LDLRAD4: variants seen among roughly 807,000 people sequenced by gnomAD.
LDLRAD4 encodes low-density lipoprotein receptor class A domain-containing protein 4.
Under a neutral mutation model 17.0 loss-of-function variants are expected in LDLRAD4, and 5 were observed. That is an observed-to-expected ratio of 0.29 (90% CI 0.15 to 0.62). The LOEUF is 0.62. Among genes scored for constraint, LDLRAD4 ranks in the 20% least tolerant of loss-of-function variants. The pLI, the probability that LDLRAD4 is intolerant of heterozygous loss-of-function variation, is 0.84. For synonymous variants in LDLRAD4, 168 were observed against 171.8 expected (o/e 0.98, Z 0.17); for missense variants, 340 against 424.7 (o/e 0.80, Z 1.75).
intron 3 of LDLRAD4, among the ~76,000 whole-genome samples, chr18:13,606,643 A>T (rs2148672088): frequency 6.6e-6 from 1 of 152,230 alleles, no homozygotes; most frequent in East Asian, 1.9e-4. Context: ...ATGTCCACAA[A>T]TATCAAACTA....
chr18:13,291,948 T>C (rs1318570614), intron 1 of LDLRAD4, among the ~76,000 whole-genome samples: 1 of 152,138 alleles, frequency 6.6e-6, no homozygotes, highest in African/African-American at 2.4e-5. Flanking sequence ...TTGAGCCAAT[T>C]TGATGAAATT....
intron 4 of LDLRAD4, chr18:13,642,009 C>T (rs779504743): frequency 1.0e-6 from 1 of 985,392 alleles, no homozygotes; most frequent in South Asian, 4.7e-5. Context: ...GCCCCCTTCC[C>T]GCTTCCGCCC....
At chr18:13,529,265 A>G (rs745792969) in intron 3 of LDLRAD4, among the ~76,000 whole-genome samples, 10 of 152,194 alleles carry the variant, frequency 6.6e-5, no homozygotes, top group Admixed American at 2.6e-4. Context: ...GACCTTTCAG[A>G]ACTAGCTACT....
intron 1 of LDLRAD4, among the ~76,000 whole-genome samples, chr18:13,229,766 G>A (rs572880307): frequency 2.6e-5 from 4 of 152,238 alleles, no homozygotes; most frequent in Admixed American, 2.0e-4. Context: ...CACTCAGGAC[G>A]TCCACGCACT....
intron 3 of LDLRAD4, among the ~76,000 whole-genome samples, chr18:13,589,463 T>C (rs765466599): frequency 3.2e-4 from 48 of 152,194 alleles, no homozygotes; most frequent in Non-Finnish European, 6.3e-4. Context: ...AGTTGCTTCT[T>C]ATTTCTTGAC....
chr18:13,238,061 A>G (rs1012769675), intron 1 of LDLRAD4, among the ~76,000 whole-genome samples: 3 of 152,190 alleles, frequency 2.0e-5, no homozygotes, highest in African/African-American at 7.2e-5. Flanking sequence ...GTTCCTAGCC[A>G]TCCTTACCCA....
At chr18:13,629,987 G>A (rs1286508756) in intron 4 of LDLRAD4, among the ~76,000 whole-genome samples, 2 of 152,190 alleles carry the variant, frequency 1.3e-5, no homozygotes, top group African/African-American at 4.8e-5. Flanking sequence ...TCAGGATGAT[G>A]CCTGCCTGGA....
upstream of LDLRAD4, among the ~76,000 whole-genome samples, chr18:13,273,960 C>T (rs768111898): frequency 9.9e-5 from 15 of 152,080 alleles, no homozygotes; most frequent in Non-Finnish European, 1.9e-4. Context: ...TTAGTGAGAT[C>T]GGCAGCCCCA....
chr18:13,389,679 C>T (rs543654168), intron 2 of LDLRAD4, among the ~76,000 whole-genome samples: 5 of 152,110 alleles, frequency 3.3e-5, no homozygotes, highest in Non-Finnish European at 5.9e-5. Flanking sequence ...GTTCTGGGGC[C>T]GTCTCCTCAC....
intron 3 of LDLRAD4, among the ~76,000 whole-genome samples, chr18:13,486,098 A>G (rs966071495): frequency 6.6e-6 from 1 of 152,206 alleles, no homozygotes; most frequent in African/African-American, 2.4e-5. Context: ...TGCATCCACC[A>G]TCTGGAAATA....
chr18:13,267,636 G>A (rs1402608959), intron 1 of LDLRAD4, among the ~76,000 whole-genome samples: 2 of 152,266 alleles, frequency 1.3e-5, no homozygotes, highest in East Asian at 1.9e-4. Flanking sequence ...CACTTCAGAC[G>A]TCGTGTGTAA....
At chr18:13,642,639 G>T (rs1366370619) in intron 4 of LDLRAD4, 2 of 1,230,948 alleles carry the variant, frequency 1.6e-6, no homozygotes, top group African/African-American at 3.1e-5. Context: ...TGGAGGCCGG[G>T]CAGGGCACGG....
intron 3 of LDLRAD4, among the ~76,000 whole-genome samples, chr18:13,594,572 A>G (rs2095067988): frequency 6.7e-6 from 1 of 149,058 alleles, no homozygotes; most frequent in South Asian, 2.2e-4. Flanking sequence ...TGGCTGAGGC[A>G]CAAGAGTCGC....
rs1281153592 is a variant in LDLRAD4, at chr18:13,226,970, A to G, written c.-467+7982A>G. On this transcript the variant is annotated intron_variant, in intron 1 of 5. Coordinates refer to the LDLRAD4 transcript ENST00000399848. Reference sequence around the variant, plus strand: ...ACCTGGCTGTCTGGATAGCCCCACCATACCTTGTTCAGTCGCTTCTCTTCA... The same window carrying G: ...ACCTGGCTGTCTGGATAGCCCCACCGTACCTTGTTCAGTCGCTTCTCTTCA... 2.6e-5 allele frequency among the ~76,000 whole-genome samples: 4 copies of G among 152,144 alleles called. No homozygotes were observed. The East Asian group carries it at 7.7e-4, about 29-fold the overall frequency.
intron 3 of LDLRAD4, chr18:13,471,976 A>G (rs1240442500): frequency 6.6e-6 from 1 of 152,266 alleles, no homozygotes; most frequent in Non-Finnish European, 1.5e-5. Context: ...AGCTCTGGTC[A>G]TAAAAACACG....
intron 3 of LDLRAD4, among the ~76,000 whole-genome samples, chr18:13,552,049 G>A (rs1381667078): frequency 1.3e-5 from 2 of 152,084 alleles, no homozygotes; most frequent in African/African-American, 2.4e-5. Context: ...ACCAAGCCAC[G>A]AGGGACCCAC....
chr18:13,271,747 AGT>A (rs1240829570), intron 1 of LDLRAD4, among the ~76,000 whole-genome samples: 11 of 152,116 alleles, frequency 7.2e-5, no homozygotes, highest in East Asian at 1.9e-4. Context: ...GAGCCAAGAG[AGT>A]GTTAGTTGAC....
chr18:13,333,162 G>T (rs1198033489), intron 1 of LDLRAD4, among the ~76,000 whole-genome samples: 3 of 152,136 alleles, frequency 2.0e-5, no homozygotes, highest in Non-Finnish European at 2.9e-5. Flanking sequence ...TTTTCCTGAT[G>T]ACCTGTAATG....
At position 13,551,941 on chromosome 18, in the gene LDLRAD4, G is replaced by A. The variant is rs551538850; in HGVS notation, c.182-69176G>A. On this transcript the variant is annotated intron_variant, in intron 3 of 5. Transcript: ENST00000359446. ...CATGGCATAAGGCAAAGGGGAGCCA[G>A]TGTGTCACATGGCAGGATGGGGAGC... Among the ~76,000 whole-genome samples the A allele has an allele frequency of 9.2e-5, 14 of 152,306 alleles. 2 individuals carry two copies. In the South Asian group the frequency reaches 2.7e-3, roughly 29 times the overall value.
Sources: gnomAD v4.1 joint callset for allele counts (sites outside exome capture counted in the v4.1 genomes callset) on GRCh38, gnomAD v4.1.1 for gene constraint, MANE v1.5 for transcripts, NCBI Gene and HGNC (gene_info 2026-07-23, HGNC 2026-07-21) for gene names.